The following QNG1 variants were observed in gnomAD, a reference collection of about 807,000 sequenced individuals.
The protein encoded by QNG1 is queuosine 5'-phosphate N-glycosylase/hydrolase.
At chr9:83,948,716 A>C in the QNG1 span, among the ~76,000 whole-genome samples, 10 of 152,354 alleles carry the variant, frequency 6.6e-5, no homozygotes, top group Non-Finnish European at 1.2e-4. Context: ...AGAAAGAAGT[A>C]GACATAGGAG....
At chr9:83,952,038 G>A in the QNG1 span, among the ~76,000 whole-genome samples, 1 of 152,166 alleles carries the variant, frequency 6.6e-6, no homozygotes, top group African/African-American at 2.4e-5. Context: ...CCAGGCTGGA[G>A]TAAAGTGGAA....
the QNG1 span, chr9:83,938,651 G>A: frequency 2.0e-5 from 3 of 149,198 alleles, no homozygotes; most frequent in Non-Finnish European, 4.4e-5. Context: ...CACGATTTCC[G>A]TCAACTACAT....
the QNG1 span, among the ~76,000 whole-genome samples, chr9:83,954,917 C>T: frequency 7.0e-6 from 1 of 143,554 alleles, no homozygotes; most frequent in Non-Finnish European, 1.5e-5. Context: ...AAAGAAATGA[C>T]GCCAGCGTGG....
the QNG1 span, among the ~76,000 whole-genome samples, chr9:83,941,564 C>T: frequency 6.6e-6 from 1 of 151,990 alleles, no homozygotes; most frequent in South Asian, 2.1e-4. Context: ...GCACTCCAGC[C>T]TTGGTGACAG....
At chr9:83,948,890 G>A in the QNG1 span, among the ~76,000 whole-genome samples, 13 of 152,046 alleles carry the variant, frequency 8.6e-5, no homozygotes, top group Non-Finnish European at 1.9e-4. Context: ...GATGCTTGAA[G>A]GCAGCATGCT....
At chr9:83,956,669 C>T in the QNG1 span, 4 of 547,576 alleles carry the variant, frequency 7.3e-6, no homozygotes, top group Non-Finnish European at 1.2e-5. Context: ...AGGTTCTCTC[C>T]CGCGGCGTTG....
chr9:83,956,199 G>A, the QNG1 span: 2 of 1,612,862 alleles, frequency 1.2e-6, no homozygotes. Context: ...GGCGCACAGG[G>A]ACCAGTACCC....
chr9:83,956,151 G>A, the QNG1 span: 2 of 1,606,532 alleles, frequency 1.2e-6, no homozygotes. Context: ...CCGATGGCAA[G>A]TATGGCACCA....
At chr9:83,954,389 A>G in the QNG1 span, among the ~76,000 whole-genome samples, 1 of 152,142 alleles carries the variant, frequency 6.6e-6, no homozygotes, top group Non-Finnish European at 1.5e-5. Flanking sequence ...AGAAAACATA[A>G]GAAATGAGAT....
the QNG1 span, chr9:83,953,852 G>A: frequency 1.3e-6 from 2 of 1,513,740 alleles, no homozygotes; most frequent in Non-Finnish European, 9.0e-7. Context: ...CACTGTGTAT[G>A]AAAAAGAAAA....
At chr9:83,944,059 C>A in the QNG1 span, among the ~76,000 whole-genome samples, 2 of 149,444 alleles carry the variant, frequency 1.3e-5, no homozygotes, top group East Asian at 3.9e-4. Context: ...CAGTGGCTCA[C>A]GCCTGTAATC....
the QNG1 span, chr9:83,955,431 G>A: frequency 6.2e-7 from 1 of 1,614,156 alleles, no homozygotes; most frequent in Non-Finnish European, 8.5e-7. Flanking sequence ...ACCACCAGGT[G>A]CATTAACTTC....
At chr9:83,949,572 G>T in the QNG1 span, among the ~76,000 whole-genome samples, 1 of 152,120 alleles carries the variant, frequency 6.6e-6, no homozygotes, top group African/African-American at 2.4e-5. Flanking sequence ...CTTGAACCCG[G>T]GAGGCCGAAG....
At chr9:83,952,793 T>C in the QNG1 span, among the ~76,000 whole-genome samples, 1 of 125,140 alleles carries the variant, frequency 8.0e-6, no homozygotes, top group African/African-American at 3.0e-5. Flanking sequence ...AGACTCCGTC[T>C]GAAAAAAAAA....
At chr9:83,953,708 A>G in the QNG1 span, 1 of 899,594 alleles carries the variant, frequency 1.1e-6, no homozygotes, top group East Asian at 2.7e-5. Context: ...CCCAGGCTGG[A>G]GTGCGGTGGC....
the QNG1 span, among the ~76,000 whole-genome samples, chr9:83,952,120 A>G: frequency 1.3e-5 from 2 of 151,714 alleles, no homozygotes; most frequent in African/African-American, 4.8e-5. Flanking sequence ...CTGAGTAGCT[A>G]GAACCACAGG....
At chr9:83,955,449 T>C in the QNG1 span, 536 of 1,614,072 alleles carry the variant, frequency 3.3e-4, 4 homozygotes, top group Non-Finnish European at 2.6e-4. Context: ...TTCTGCGCAC[T>C]ATTCTCACTT....
At chr9:83,956,294 G>A in the QNG1 span, 2 of 1,614,094 alleles carry the variant, frequency 1.2e-6, no homozygotes, top group Admixed American at 3.3e-5. Flanking sequence ...TGTCTGTCAC[G>A]AACACCCAGT....
the QNG1 span, among the ~76,000 whole-genome samples, chr9:83,952,112 G>A: frequency 6.6e-6 from 1 of 151,700 alleles, no homozygotes; most frequent in Non-Finnish European, 1.5e-5. Flanking sequence ...TCAGCCTCCT[G>A]AGTAGCTAGA....
Sources: gnomAD v4.1 joint callset for allele counts (sites outside exome capture counted in the v4.1 genomes callset) on GRCh38, gnomAD v4.1.1 for gene constraint, MANE v1.5 for transcripts, NCBI Gene and HGNC (gene_info 2026-07-23, HGNC 2026-07-21) for gene names.